Variants in RASGEF1A observed in about 807,000 individuals in gnomAD.
The protein encoded by RASGEF1A is RasGEF domain family member 1A, also known as ras-GEF domain-containing family member 1A.
In RASGEF1A, 18 loss-of-function variants were observed where a neutral mutation model predicts 56.4. The observed-to-expected ratio is 0.32, with a 90% CI of 0.22 to 0.47. The LOEUF is 0.47. Among genes scored for constraint, RASGEF1A ranks in the 20% least tolerant of loss-of-function variants. The pLI is 1.00. For synonymous variants in RASGEF1A, 245 were observed against 242.6 expected, an observed-to-expected ratio of 1.01 and a Z score of -0.09; for missense variants, 422 against 627.1, an observed-to-expected ratio of 0.67 and a Z score of 3.49.
chr10:43,201,437 A>T (rs1345147382), intron 4 of RASGEF1A, among the ~76,000 whole-genome samples: 1 of 152,202 alleles, frequency 6.6e-6, no homozygotes, highest in Non-Finnish European at 1.5e-5. Context: ...AAAATGGGAG[A>T]CCGGTTTAAA....
At chr10:43,247,483 A>G (rs1188289836) in intron 1 of RASGEF1A, among the ~76,000 whole-genome samples, 19 of 152,252 alleles carry the variant, frequency 1.2e-4, no homozygotes. Flanking sequence ...CATTCTTCAT[A>G]TTAGCCACAA....
intron 2 of RASGEF1A, among the ~76,000 whole-genome samples, chr10:43,204,706 C>A (rs925983370): frequency 6.6e-6 from 1 of 152,184 alleles, no homozygotes; most frequent in Non-Finnish European, 1.5e-5. Context: ...GCAGAGGAGC[C>A]AATGCCCAAC....
At chr10:43,207,810 C>T in intron 1 of RASGEF1A, 2 of 651,670 alleles carry the variant, frequency 3.1e-6, no homozygotes, top group Non-Finnish European at 3.8e-6. Context: ...CACTCCAGCC[C>T]AGGAACCACT....
intron 1 of RASGEF1A, among the ~76,000 whole-genome samples, chr10:43,230,534 C>G (rs1165314574): frequency 6.6e-6 from 1 of 152,122 alleles, no homozygotes; most frequent in African/African-American, 2.4e-5. Context: ...GATTGGAGCA[C>G]CCAGCACCTG....
chr10:43,239,981 C>T (rs1315511076), intron 1 of RASGEF1A, among the ~76,000 whole-genome samples: 1 of 152,192 alleles, frequency 6.6e-6, no homozygotes, highest in Non-Finnish European at 1.5e-5. Context: ...GCAGTGCATT[C>T]CTGAGAATCT....
At chr10:43,215,715 G>GA (rs1203054928) in intron 1 of RASGEF1A, among the ~76,000 whole-genome samples, 1 of 152,140 alleles carries the variant, frequency 6.6e-6, no homozygotes, top group Non-Finnish European at 1.5e-5. Flanking sequence ...TACACCAGGG[G>GA]AAAAAAACAG....
At chr10:43,258,575 G>C (rs975985567) in intron 1 of RASGEF1A, among the ~76,000 whole-genome samples, 3 of 152,222 alleles carry the variant, frequency 2.0e-5, no homozygotes, top group African/African-American at 7.2e-5. Context: ...GACGAGGAGA[G>C]CAGCTCAGTT....
At chr10:43,212,619 G>A (rs963954668) in intron 1 of RASGEF1A, among the ~76,000 whole-genome samples, 1 of 152,244 alleles carries the variant, frequency 6.6e-6, no homozygotes, top group Non-Finnish European at 1.5e-5. Flanking sequence ...GACACATGGA[G>A]TGTGGCTTCC....
chr10:43,207,352 C>T, intron 1 of RASGEF1A: 2 of 986,724 alleles, frequency 2.0e-6, no homozygotes, highest in Non-Finnish European at 1.2e-6. Context: ...AGGGGCCTTA[C>T]AAGGAGAGAG....
chr10:43,230,288 G>A lies in RASGEF1A; in HGVS notation c.-6-24166C>T, dbSNP rs535389369. ...AACTCCCTGTCCTTCCATTTCATTGGAACTCGGGGGACACGGCAGCTGCTT... is the reference window on the plus strand; with the variant it reads ...AACTCCCTGTCCTTCCATTTCATTGAAACTCGGGGGACACGGCAGCTGCTT... On this transcript the variant is annotated intron_variant, in intron 1 of 12. Transcript: ENST00000395810. Among the ~76,000 whole-genome samples, 49 of 152,288 alleles carry A rather than the reference G, an allele frequency of 3.2e-4. 1 individual carries two copies. The South Asian group carries it at 5.0e-3, about 15-fold the overall frequency.
chr10:43,256,366 GT>G (rs1182414873), intron 1 of RASGEF1A, among the ~76,000 whole-genome samples: 6 of 152,212 alleles, frequency 3.9e-5, no homozygotes, highest in Non-Finnish European at 2.9e-5. Flanking sequence ...CCTGGACCAT[GT>G]GCTCAGAGAT....
At position 43,201,892 on chromosome 10, in the gene RASGEF1A, G is replaced by A. The variant is rs778285644; in HGVS notation, c.375C>T (p.Thr125=). 25 of 1,611,956 alleles carry A rather than the reference G, an allele frequency of 1.6e-5. No individual in the cohort carries two copies. The highest frequency in any genetic ancestry group is 2.2e-5 in the East Asian group (1 of 44,838). Residue 125 remains threonine (T), a synonymous_variant, in exon 4 of 13, where the codon ACC becomes ACT. Transcript: ENST00000395810. ...AKIVQLLKEW[T]EAFPYDFQDE... is the part of the protein sequence containing the mutation. ...CCTGGAAGTCATAGGGGAAGGCCTC[G>A]GTCCACTCCTTCAGGAGCTGCACGA... is the stretch of plus-strand genomic sequence containing the variant.
chr10:43,253,442 T>C (rs1379994521), intron 1 of RASGEF1A, among the ~76,000 whole-genome samples: 1 of 152,212 alleles, frequency 6.6e-6, no homozygotes, highest in Non-Finnish European at 1.5e-5. Context: ...TAGGTGTAAT[T>C]AGGCAGAGGC....
intron 1 of RASGEF1A, among the ~76,000 whole-genome samples, chr10:43,243,421 A>C (rs1840529685): frequency 7.4e-6 from 1 of 135,322 alleles, no homozygotes. Flanking sequence ...CCGCCTGGGA[A>C]GTGAGGGGCG....
chr10:43,216,429 C>T (rs555205534), intron 1 of RASGEF1A, among the ~76,000 whole-genome samples: 9 of 152,160 alleles, frequency 5.9e-5, no homozygotes, highest in Non-Finnish European at 1.0e-4. Context: ...CCTTACCCTG[C>T]GGGGAGGGCT....
At chr10:43,203,891 G>A in intron 2 of RASGEF1A, 1 of 600,136 alleles carries the variant, frequency 1.7e-6, no homozygotes, top group Non-Finnish European at 2.1e-6. Context: ...CTGATCCATG[G>A]GGCGGGGCCT....
At chr10:43,253,223 C>T (rs967748924) in intron 1 of RASGEF1A, among the ~76,000 whole-genome samples, 7 of 152,324 alleles carry the variant, frequency 4.6e-5, no homozygotes, top group Admixed American at 2.6e-4. Flanking sequence ...ATGTGTTCAG[C>T]GGGTGCCACA....
chr10:43,232,167 C>T (rs1047283896), intron 1 of RASGEF1A, among the ~76,000 whole-genome samples: 10 of 152,296 alleles, frequency 6.6e-5, no homozygotes, highest in East Asian at 5.8e-4. Context: ...AATTGTAATC[C>T]CCAGTGTTGG....
At chr10:43,240,294 A>G (rs944571081) in intron 1 of RASGEF1A, among the ~76,000 whole-genome samples, 1 of 152,264 alleles carries the variant, frequency 6.6e-6, no homozygotes, top group African/African-American at 2.4e-5. Flanking sequence ...GACTTTGCAG[A>G]AGTAATCCAG....
Sources: gnomAD v4.1 joint callset for allele counts (sites outside exome capture counted in the v4.1 genomes callset) on GRCh38, gnomAD v4.1.1 for gene constraint, MANE v1.5 for transcripts, NCBI Gene and HGNC (gene_info 2026-07-23, HGNC 2026-07-21) for gene names.